TAFA1: variants seen among roughly 807,000 people sequenced by gnomAD.
The protein encoded by TAFA1 is chemokine-like protein TAFA-1.
TAFA1 carries 4 observed loss-of-function variants against 18.5 expected under a neutral mutation model. That is an observed-to-expected ratio of 0.22 (90% CI 0.11 to 0.49). The LOEUF (loss-of-function observed/expected upper bound fraction) is 0.49. Ranked by LOEUF, TAFA1 falls within the 20% of genes least tolerant of loss-of-function variation. The probability of loss-of-function intolerance (pLI) is 0.98; values close to 1 mark genes in which losing one functional copy is unlikely to be tolerated. For synonymous variants in TAFA1, 56 were observed against 55.2 expected (o/e 1.01, Z -0.06); for missense variants, 147 against 169.0 (o/e 0.87, Z 0.72).
chr3:68,330,420 A>C (rs545633599), intron 2 of TAFA1, among the ~76,000 whole-genome samples: 1 of 152,188 alleles, frequency 6.6e-6, no homozygotes, highest in Admixed American at 6.5e-5. Context: ...TTCAATAACA[A>C]AGTCACACAG....
intron 3 of TAFA1, among the ~76,000 whole-genome samples, chr3:68,519,989 A>AT (rs1477034896): frequency 6.6e-6 from 1 of 152,198 alleles, no homozygotes; most frequent in Admixed American, 6.5e-5. Context: ...AAAGGAAGTA[A>AT]TTTGGGTGTA....
intron 2 of TAFA1, among the ~76,000 whole-genome samples, chr3:68,091,231 A>G (rs2065025936): frequency 1.3e-5 from 2 of 152,220 alleles, no homozygotes; most frequent in Non-Finnish European, 2.9e-5. Flanking sequence ...AAAATTGGGC[A>G]TTTTAAATAG....
chr3:68,106,837 A>C (rs1442774424), intron 2 of TAFA1, among the ~76,000 whole-genome samples: 1 of 152,132 alleles, frequency 6.6e-6, no homozygotes, highest in Non-Finnish European at 1.5e-5. Flanking sequence ...GTTCAACATC[A>C]TTAGTCATTA....
At chr3:68,228,000 G>T (rs2066824694) in intron 2 of TAFA1, among the ~76,000 whole-genome samples, 2 of 152,270 alleles carry the variant, frequency 1.3e-5, no homozygotes, top group Non-Finnish European at 2.9e-5. Context: ...GCAACTTGGA[G>T]ACAGGTTGAC....
intron 2 of TAFA1, among the ~76,000 whole-genome samples, chr3:68,337,520 C>CAA (rs1258662922): frequency 6.6e-6 from 1 of 152,102 alleles, no homozygotes; most frequent in Non-Finnish European, 1.5e-5. Context: ...CTTTGGTATA[C>CAA]AAAACTGCAC....
At chr3:68,045,339 TG>T (rs1328706234) in intron 2 of TAFA1, among the ~76,000 whole-genome samples, 2 of 152,070 alleles carry the variant, frequency 1.3e-5, no homozygotes, top group Admixed American at 1.3e-4. Flanking sequence ...TGTTCAGAGG[TG>T]GGGCATTACA....
chr3:68,019,381 C>T (rs909827663), intron 2 of TAFA1, among the ~76,000 whole-genome samples: 1 of 152,110 alleles, frequency 6.6e-6, no homozygotes, highest in Non-Finnish European at 1.5e-5. Flanking sequence ...CCTTTTGTGC[C>T]CCAGTCAGGG....
intron 3 of TAFA1, among the ~76,000 whole-genome samples, chr3:68,438,457 C>G (rs1193610802): frequency 6.6e-6 from 1 of 152,146 alleles, no homozygotes; most frequent in African/African-American, 2.4e-5. Context: ...TTGGGCAGTC[C>G]AACCCCTGTG....
At chr3:68,456,156 T>C (rs999745409) in intron 3 of TAFA1, among the ~76,000 whole-genome samples, 14 of 152,146 alleles carry the variant, frequency 9.2e-5, no homozygotes, top group Non-Finnish European at 1.5e-5. Context: ...AAAGGATTCT[T>C]GTTGTGCAGG....
chr3:68,417,523 C>A, intron 3 of TAFA1, 103 bp downstream of exon 3: 1 of 1,109,134 alleles, frequency 9.0e-7, no homozygotes, highest in Non-Finnish European at 1.3e-6. Flanking sequence ...GAACAAGGTG[C>A]ATCCGAAGTG....
chr3:68,384,415 C>A (rs2070045668), intron 2 of TAFA1, among the ~76,000 whole-genome samples: 1 of 151,970 alleles, frequency 6.6e-6, no homozygotes, highest in African/African-American at 2.4e-5. Flanking sequence ...ATCTTAATTT[C>A]ATTATTTAAC....
At chr3:68,241,229 T>C (rs1459312968) in intron 2 of TAFA1, among the ~76,000 whole-genome samples, 1 of 152,174 alleles carries the variant, frequency 6.6e-6, no homozygotes, top group Admixed American at 6.5e-5. Context: ...AAAGTTTTGG[T>C]ACTTGACCTA....
chr3:68,283,027 A>G (rs2067924974), intron 2 of TAFA1, among the ~76,000 whole-genome samples: 1 of 152,184 alleles, frequency 6.6e-6, no homozygotes, highest in Admixed American at 6.5e-5. Context: ...CTATTGCATA[A>G]TATTTTACTT....
At position 68,019,360 on chromosome 3, in the gene TAFA1, A is replaced by T. The variant is rs542056143; in HGVS notation, c.118+12616A>T. Among the ~76,000 whole-genome samples the T allele has an allele frequency of 4.6e-5, 7 of 152,196 alleles. No individual in the cohort carries two copies. The South Asian group carries it at 1.5e-3, about 32-fold the overall frequency. On this transcript the variant is annotated intron_variant, in intron 2 of 4. Coordinates refer to ENST00000478136, the MANE Select transcript of TAFA1 (RefSeq NM_213609.4). ...ATTGTTTCCCAATAAATTCTTTTAG[A>T]CTCCATAGACCCTTTTGTGCCCCAG...
intron 2 of TAFA1, among the ~76,000 whole-genome samples, chr3:68,266,890 G>A (rs767083113): frequency 6.6e-6 from 1 of 152,154 alleles, no homozygotes. Context: ...TGTCCTGCCT[G>A]ACTAGTCTTT....
intron 2 of TAFA1, among the ~76,000 whole-genome samples, chr3:68,361,332 G>A (rs567346233): frequency 9.3e-4 from 141 of 152,168 alleles, no homozygotes; most frequent in Admixed American, 2.9e-3. Context: ...AGATATCAGA[G>A]GCTGAGAAAG....
chr3:68,017,826 T>C (rs1203584729), intron 2 of TAFA1, among the ~76,000 whole-genome samples: 1 of 152,228 alleles, frequency 6.6e-6, no homozygotes, highest in East Asian at 1.9e-4. Flanking sequence ...GATGCAAAGC[T>C]GCTTGTGTTA....
At chr3:68,042,883 G>A (rs1294627904) in intron 2 of TAFA1, among the ~76,000 whole-genome samples, 3 of 151,876 alleles carry the variant, frequency 2.0e-5, no homozygotes, top group Admixed American at 6.6e-5. Context: ...CCATTCTTTT[G>A]TTTTGTTTTG....
At chr3:68,098,267 A>T (rs1259905741) in intron 2 of TAFA1, among the ~76,000 whole-genome samples, 1 of 150,456 alleles carries the variant, frequency 6.6e-6, no homozygotes, top group Non-Finnish European at 1.5e-5. Context: ...GTTTTTTTTT[A>T]AATGTTTCTG....
Sources: allele counts gnomAD v4.1 joint callset (sites outside exome capture counted in the v4.1 genomes callset), GRCh38; gene constraint gnomAD v4.1.1; transcripts MANE v1.5; gene names NCBI Gene and HGNC (gene_info 2026-07-23, HGNC 2026-07-21).